FST: variants seen among roughly 807,000 people sequenced by gnomAD.
The protein encoded by FST is follistatin, also known as activin-binding protein.
Under a neutral mutation model 38.4 loss-of-function variants are expected in FST, and 6 were observed. The ratio of observed to expected loss-of-function variants is 0.16; its 90% CI spans 0.09 to 0.31. The LOEUF (loss-of-function observed/expected upper bound fraction) is 0.31, where lower values mean the gene tolerates loss of function less well. Ranked by LOEUF, FST falls within the 10% of genes least tolerant of loss-of-function variation. The pLI, the probability that FST is intolerant of heterozygous loss-of-function variation, is 1.00. For missense variants in FST, 301 were observed against 432.3 expected, an observed-to-expected ratio of 0.70 and a Z score of 2.69; for synonymous variants, 157 against 169.8, an observed-to-expected ratio of 0.92 and a Z score of 0.59.
chr5:53,486,815 A>G lies in FST; in HGVS notation c.*782A>G, dbSNP rs1405208419. On this transcript the variant is annotated 3_prime_UTR_variant, in exon 6 of 6. Transcript: ENST00000256759. The stretch of plus-strand genomic sequence containing the variant: ...GATGTGGGTGTCAGGAGACTAAAGG[A>G]TGTTGAAGGCTACACATTCAACCTT... 6.6e-6 allele frequency: 1 copy of G among 152,230 alleles called. No homozygotes were observed. The highest frequency in any genetic ancestry group is 1.5e-5 in the Non-Finnish European group (1 of 68,034). 9.4% of individuals were successfully genotyped at this position (152,230 alleles called of 1,614,324 possible).
intron 5 of FST, 60 bp downstream of exon 5, chr5:53,485,287 T>C (rs530951855): frequency 3.6e-5 from 32 of 888,690 alleles, no homozygotes; most frequent in South Asian, 3.5e-4. Context: ...CCCTAGGGAA[T>C]GGACACTTAC....
rs943509281 is a variant in FST, at chr5:53,482,927, C to T, written c.133C>T (p.Leu45=). 1.2e-6 allele frequency: 2 copies of T among 1,613,180 alleles called. No individual in the cohort carries two copies. Among genetic ancestry groups the T allele is most frequent in the Non-Finnish European group, 1.7e-6 (2 of 1,179,304 alleles). The part of the protein sequence containing the change: ...RQAKNGRCQV[L]YKTELSKEEC... The stretch of plus-strand genomic sequence containing the variant: ...AGCGAAGAACGGCCGCTGCCAGGTC[C>T]TGTACAAGACCGAACTGAGCAAGGA... The change falls in exon 2 of 6, where the codon CTG becomes TTG. Residue 45 remains leucine (L), a synonymous_variant. Coordinates refer to ENST00000256759, the MANE Select transcript of FST (RefSeq NM_013409.3).
At chr5:53,484,333 G>A (rs1276164205) in intron 4 of FST, 40 bp downstream of exon 4, 3 of 1,591,536 alleles carry the variant, frequency 1.9e-6, no homozygotes, top group Non-Finnish European at 2.6e-6. Context: ...GAGAAAACAG[G>A]CTAGTTCTAT....
rs3083659 is a variant in FST, at chr5:53,486,072, C to CAAAAAA, written c.*55_*60dup. 752 of 260,862 alleles carry CAAAAAA rather than the reference C, an allele frequency of 2.9e-3. No individual in the cohort carries two copies. The highest frequency in any genetic ancestry group is 9.2e-3 in the African/African-American group (186 of 20,268). 16.2% of individuals were successfully genotyped at this position (260,862 alleles called of 1,614,324 possible). ...GTTCAGTGTTGACATAGCCTTTGTG[C>CAAAAAA]AAAAAAAAAAAAAAAAAAAAAGAAA... On this transcript the variant is annotated 3_prime_UTR_variant, in exon 6 of 6. Coordinates refer to ENST00000256759, the MANE Select transcript of FST (RefSeq NM_013409.3).
rs778820427 is a variant in FST at position 53,485,071 on chromosome 5, C to T, written c.796C>T (p.Arg266Trp). The change falls in exon 5 of 6, where the codon CGG becomes TGG. Residue 266 changes from arginine (R) to tryptophan (W), a missense_variant. Arg to Trp is a moderately radical substitution (Grantham distance 101). Transcript: ENST00000256759. ...ATGGGATTTCAAGGTTGGGAGAGGC[C>T]GGTGTTCCCTCTGTGATGAGCTGTG... is the stretch of plus-strand genomic sequence containing the variant. ...CLWDFKVGRGRCSLCDELCPD... is the reference protein window; with the variant it reads ...CLWDFKVGRGWCSLCDELCPD... 4.3e-6 allele frequency: 7 copies of T among 1,612,056 alleles called. No homozygotes were observed. Among genetic ancestry groups the T allele is most frequent in the South Asian group, 3.3e-5 (3 of 91,028 alleles).
intron 1 of FST, among the ~76,000 whole-genome samples, chr5:53,481,134 G>C (rs1263886463): frequency 6.6e-6 from 1 of 152,040 alleles, no homozygotes; most frequent in Non-Finnish European, 1.5e-5. Context: ...AATGCTCCAA[G>C]TTCTGGCCAT....
chr5:53,485,656 G>T (rs374574487), intron 5 of FST: 4 of 1,418,282 alleles, frequency 2.8e-6, no homozygotes, highest in Non-Finnish European at 3.0e-6. Flanking sequence ...GTTATACCTA[G>T]AACACAAGAG....
chr5:53,481,918 T>TG (rs1747237464), intron 1 of FST, among the ~76,000 whole-genome samples: 1 of 151,992 alleles, frequency 6.6e-6, no homozygotes, highest in African/African-American at 2.4e-5. Flanking sequence ...AGCGTTAACA[T>TG]TTTAAGTATG....
At chr5:53,482,798 C>A in intron 1 of FST, 82 bp from the exon 2 acceptor site, 1 of 781,658 alleles carries the variant, frequency 1.3e-6, no homozygotes, top group South Asian at 1.8e-5. Context: ...CGCCGGGTCT[C>A]CTTCGCTAGC....
intron 5 of FST, 191 bp from the exon 6 acceptor site, chr5:53,485,760 T>A: frequency 1.9e-6 from 3 of 1,589,714 alleles, no homozygotes; most frequent in East Asian, 2.2e-5. Flanking sequence ...GATTATGCTT[T>A]AAAAAAATTT....
rs3083659 is a variant in FST at position 53,486,072 on chromosome 5, CAAAA to C, written c.*57_*60del. 0.17 allele frequency: 43,472 copies of C among 259,280 alleles called. 761 individuals are homozygous for C. The highest frequency in any genetic ancestry group is 0.19 in the Non-Finnish European group (30,830 of 158,634). 16.1% of individuals were successfully genotyped at this position (259,280 alleles called of 1,614,324 possible). On this transcript the variant is annotated 3_prime_UTR_variant, in exon 6 of 6. Transcript: ENST00000256759. Reference sequence around the variant, plus strand: ...GTTCAGTGTTGACATAGCCTTTGTGCAAAAAAAAAAAAAAAAAAAAAGAAAAAGA... The same window carrying C: ...GTTCAGTGTTGACATAGCCTTTGTGCAAAAAAAAAAAAAAAAAGAAAAAGA...
At position 53,483,855 on chromosome 5, in the gene FST, C is replaced by T. The variant is rs1331399001; in HGVS notation, c.496+133C>T. 4.2e-6 allele frequency: 3 copies of T among 715,364 alleles called. No individual in the cohort carries two copies. The highest frequency in any genetic ancestry group is 3.6e-5 in the African/African-American group (2 of 55,712). 44.3% of individuals were successfully genotyped at this position (715,364 alleles called of 1,614,324 possible). A position where few individuals can be genotyped will look rare whatever the true frequency, so the allele number is the denominator to read the frequency against. On this transcript the variant is annotated intron_variant, in intron 3 of 5. Transcript: ENST00000256759. The surrounding 1 kb of genome is among the most constrained non-coding windows in gnomAD (Gnocchi z 4.1). Reference sequence around the variant, plus strand: ...AGCCTGATAATAGTAATACTGAAACCAAATAAAGGAGTCCTTTTCTAACCT... The same window carrying T: ...AGCCTGATAATAGTAATACTGAAACTAAATAAAGGAGTCCTTTTCTAACCT...
intron 1 of FST, among the ~76,000 whole-genome samples, chr5:53,482,412 A>G (rs944246771): frequency 6.7e-6 from 1 of 149,222 alleles, no homozygotes; most frequent in African/African-American, 2.5e-5. Flanking sequence ...TGTCACAAAT[A>G]ATTCCTGTAC....
intron 1 of FST, among the ~76,000 whole-genome samples, chr5:53,481,352 C>T (rs1332952257): frequency 1.4e-5 from 2 of 144,236 alleles, no homozygotes; most frequent in African/African-American, 2.6e-5. Context: ...GGCTGGGGGA[C>T]GTGGTTTCAG....
At chr5:53,484,764 G>A (rs1205545548) in intron 4 of FST, among the ~76,000 whole-genome samples, 1 of 152,144 alleles carries the variant, frequency 6.6e-6, no homozygotes, top group African/African-American at 2.4e-5. Context: ...AATGTAGTAT[G>A]TAAGAAACTG....
chr5:53,484,566 T>A (rs1293403845), intron 4 of FST, among the ~76,000 whole-genome samples: 1 of 152,228 alleles, frequency 6.6e-6, no homozygotes, highest in Non-Finnish European at 1.5e-5. Flanking sequence ...CACATTTTTT[T>A]AAGTGCCAGA....
chr5:53,482,288 T>G (rs1008892065), intron 1 of FST, among the ~76,000 whole-genome samples: 1 of 152,000 alleles, frequency 6.6e-6, no homozygotes, highest in African/African-American at 2.4e-5. Context: ...TCTTTCTCTT[T>G]CTTTTCTTTC....
chr5:53,485,612 G>C (rs1440962819), intron 5 of FST: 1 of 876,966 alleles, frequency 1.1e-6, no homozygotes, highest in African/African-American at 1.7e-5. Context: ...TTTTGCAGTT[G>C]CCTCTACTAA....
In FST at chr5:53,486,072, CAAAAAAA is replaced by C. The variant is rs3083659; in HGVS notation, c.*54_*60del. 2,457 of 264,358 alleles carry C rather than the reference CAAAAAAA, an allele frequency of 9.3e-3. No homozygotes were observed. The highest frequency in any genetic ancestry group is 0.016 in the Middle Eastern group (16 of 986). 16.4% of individuals were successfully genotyped at this position (264,358 alleles called of 1,614,324 possible). ...GTTCAGTGTTGACATAGCCTTTGTG[CAAAAAAA>C]AAAAAAAAAAAAAAGAAAAAGAAAA... On this transcript the variant is annotated 3_prime_UTR_variant, in exon 6 of 6. Coordinates refer to ENST00000256759, the MANE Select transcript of FST (RefSeq NM_013409.3).
Sources: gnomAD v4.1 joint callset for allele counts (sites outside exome capture counted in the v4.1 genomes callset) on GRCh38, gnomAD v4.1.1 for gene constraint, Gnocchi (gnomAD v3.1) non-coding constraint, MANE v1.5 for transcripts, NCBI Gene and HGNC (gene_info 2026-07-23, HGNC 2026-07-21) for gene names.